Variants in ONECUT2 observed in about 807,000 individuals in gnomAD.
ONECUT2 encodes one cut domain family member 2.
A neutral mutation model predicts 27.9 loss-of-function variants in ONECUT2; 10 were observed. That is an observed-to-expected ratio of 0.36 (90% CI 0.22 to 0.61). The LOEUF is 0.61. Ranked by LOEUF, ONECUT2 falls within the 20% of genes least tolerant of loss-of-function variation. The pLI is 0.73. For synonymous variants in ONECUT2, 334 were observed against 315.1 expected, an observed-to-expected ratio of 1.06 and a Z score of -0.64; for missense variants, 686 against 721.0, an observed-to-expected ratio of 0.95 and a Z score of 0.56.
chr18:57,444,541 C>A, intron 1 of ONECUT2: 1 of 426,490 alleles, frequency 2.3e-6, no homozygotes, highest in South Asian at 1.7e-5. Context: ...CCTCCTGGAG[C>A]AAGCTTGGAG....
At chr18:57,462,839 C>A (rs2050300533) in intron 1 of ONECUT2, among the ~76,000 whole-genome samples, 1 of 143,018 alleles carries the variant, frequency 7.0e-6, no homozygotes, top group Non-Finnish European at 1.5e-5. Flanking sequence ...TCAAGCGATT[C>A]TCCTGCCTCA....
chr18:57,447,709 C>T (rs1296240822), intron 1 of ONECUT2, among the ~76,000 whole-genome samples: 1 of 152,094 alleles, frequency 6.6e-6, no homozygotes, highest in East Asian at 1.9e-4. Context: ...TATACACAAA[C>T]GGATGCTTTT....
intron 1 of ONECUT2, among the ~76,000 whole-genome samples, chr18:57,456,734 G>A (rs985411123): frequency 6.6e-6 from 1 of 152,110 alleles, no homozygotes; most frequent in African/African-American, 2.4e-5. Context: ...ATTTTGTTGT[G>A]TATATTTTAC....
rs772010629 is a variant in ONECUT2, at chr18:57,436,895, G to T, written c.1179G>T (p.Lys393Asn). The change falls in exon 1 of 2, where the codon AAG becomes AAT. Residue 393 changes from lysine to asparagine, a missense_variant. By Grantham distance (94) the Lys-to-Asn change is moderately conservative. Coordinates refer to ENST00000491143, the MANE Select transcript of ONECUT2 (RefSeq NM_004852.3). The surrounding 1 kb of genome is among the most constrained non-coding windows in gnomAD (Gnocchi z 5.9). ...GGGAGACCTTCCGCAGGATGTGGAAGTGGCTTCAGGAGCCCGAGTTCCAGC... is the reference window on the plus strand; with the variant it reads ...GGGAGACCTTCCGCAGGATGTGGAATTGGCTTCAGGAGCCCGAGTTCCAGC... ...SGRETFRRMW[K>N]WLQEPEFQRM... 6.2e-7 allele frequency: 1 copy of T among 1,612,996 alleles called. No homozygotes were observed. The highest frequency in any genetic ancestry group is 8.5e-7 in the Non-Finnish European group (1 of 1,179,766).
Position 57,435,682 on chromosome 18 carries a change from G to A in ONECUT2, c.-35G>A, listed in dbSNP as rs779026956. On this transcript the variant is annotated 5_prime_UTR_variant, in exon 1 of 2. Transcript: ENST00000491143. ...CCTTGCCCGCCCGCCGGCCGCCCCC[G>A]CCGCCCCCGCCGCCCCCGGGCCCTG... 2.3e-5 allele frequency: 7 copies of A among 305,808 alleles called. No individual in the cohort carries two copies. In the Admixed American group the frequency reaches 2.5e-4, roughly 11 times the overall value. The allele number at this position is 305,808 out of a possible 1,614,324, so 18.9% of individuals were successfully genotyped here.
At chr18:57,442,243 G>GCTT (rs1568118321) in intron 1 of ONECUT2, among the ~76,000 whole-genome samples, 1 of 127,504 alleles carries the variant, frequency 7.8e-6, no homozygotes, top group African/African-American at 3.6e-5. Context: ...AATTCTTCTG[G>GCTT]GTTTTTTTTT....
chr18:57,456,549 A>G (rs2050260542), intron 1 of ONECUT2, among the ~76,000 whole-genome samples: 1 of 152,260 alleles, frequency 6.6e-6, no homozygotes, highest in Non-Finnish European at 1.5e-5. Flanking sequence ...AGTCAAACTC[A>G]TAGAAACGGA....
Position 57,436,850 on chromosome 18 carries a change from G to A in ONECUT2, c.1134G>A (p.Trp378Ter). 1 of 1,613,968 alleles carries A rather than the reference G, an allele frequency of 6.2e-7. No homozygotes were observed. The highest frequency in any genetic ancestry group is 8.5e-7 in the Non-Finnish European group (1 of 1,180,050). Residue 378 changes from tryptophan to a stop codon, truncating the protein, a stop_gained, in exon 1 of 2, where the codon TGG becomes TGA. Transcript: ENST00000491143. LOFTEE classifies it high-confidence loss of function. This position sits in a 1 kb window ranked among gnomAD's most constrained non-coding sequence, Gnocchi z 5.9. The stretch of plus-strand genomic sequence containing the variant: ...ACCTGCTCCGGAATCCAAAACCGTG[G>A]AGTAAACTCAAATCTGGCAGGGAGA... ...LSDLLRNPKP[W>*]SKLKSGRETF...
chr18:57,438,419 G>A (rs982334799), intron 1 of ONECUT2, among the ~76,000 whole-genome samples: 1 of 152,324 alleles, frequency 6.6e-6, no homozygotes. Context: ...AGCCAGCCTC[G>A]CACAGCTCGC....
At chr18:57,450,398 T>A (rs2050223706) in intron 1 of ONECUT2, among the ~76,000 whole-genome samples, 2 of 152,198 alleles carry the variant, frequency 1.3e-5, no homozygotes, top group African/African-American at 4.8e-5. Flanking sequence ...GGTCTCAAAC[T>A]CCTGACCTTA....
intron 1 of ONECUT2, among the ~76,000 whole-genome samples, chr18:57,457,778 A>G (rs989695561): frequency 6.6e-6 from 1 of 152,248 alleles, no homozygotes; most frequent in African/African-American, 2.4e-5. Flanking sequence ...TACACCATGG[A>G]ATACTATGCA....
chr18:57,472,753 G>C (rs1000453475), intron 1 of ONECUT2, among the ~76,000 whole-genome samples: 2 of 151,950 alleles, frequency 1.3e-5, no homozygotes, highest in Non-Finnish European at 2.9e-5. Context: ...AATATAATCC[G>C]ACAAGCCAAT....
intron 1 of ONECUT2, among the ~76,000 whole-genome samples, chr18:57,451,959 T>A (rs955121655): frequency 1.8e-4 from 27 of 152,052 alleles, no homozygotes; most frequent in Admixed American, 2.6e-4. Flanking sequence ...GCGGTGTTGG[T>A]GTTTTTCTTT....
rs572608481 is a variant in ONECUT2 at position 57,471,534 on chromosome 18, A to T, written c.1229-4903A>T. On this transcript the variant is annotated intron_variant, in intron 1 of 1. Coordinates refer to ENST00000491143, the MANE Select transcript of ONECUT2 (RefSeq NM_004852.3). ...GGGAGAAGCAAGTTGGTGTCTGAAGATCTCAGAGAGGGCTTGTGCCCGAGG... is the reference window on the plus strand; with the variant it reads ...GGGAGAAGCAAGTTGGTGTCTGAAGTTCTCAGAGAGGGCTTGTGCCCGAGG... Among the ~76,000 whole-genome samples, 3 of 152,108 alleles carry T rather than the reference A, an allele frequency of 2.0e-5. No individual in the cohort carries two copies. In the South Asian group the frequency reaches 6.2e-4, roughly 32 times the overall value.
intron 1 of ONECUT2, among the ~76,000 whole-genome samples, chr18:57,466,273 C>T (rs2050320938): frequency 6.6e-6 from 1 of 152,164 alleles, no homozygotes; most frequent in Admixed American, 6.5e-5. Flanking sequence ...TTTTTTCAAT[C>T]CTGATGTCCC....
rs896567492 is a variant in ONECUT2, at chr18:57,488,035, T to C, written c.*11312T>C. On this transcript the variant is annotated 3_prime_UTR_variant, in exon 2 of 2. Coordinates refer to ENST00000491143, the MANE Select transcript of ONECUT2 (RefSeq NM_004852.3). ...AAAAGCAGCAGTCTGCTATGCAAAATATTGGAAATCACTGACAGTGTAGCA... is the reference window on the plus strand; with the variant it reads ...AAAAGCAGCAGTCTGCTATGCAAAACATTGGAAATCACTGACAGTGTAGCA... 1 of 152,358 alleles carries C rather than the reference T, an allele frequency of 6.6e-6. No individual in the cohort carries two copies. Among genetic ancestry groups the C allele is most frequent in the Non-Finnish European group, 1.5e-5 (1 of 68,040 alleles). The allele number at this position is 152,358 out of a possible 1,614,324, so 9.4% of individuals were successfully genotyped here. A position where few individuals can be genotyped will look rare whatever the true frequency, so the allele number is the denominator to read the frequency against.
chr18:57,443,966 C>T (rs2050188622), intron 1 of ONECUT2, among the ~76,000 whole-genome samples: 1 of 152,178 alleles, frequency 6.6e-6, no homozygotes, highest in African/African-American at 2.4e-5. Flanking sequence ...TGGACTTTGG[C>T]TCTTGTAATC....
chr18:57,487,022 T>C lies in ONECUT2; in HGVS notation c.*10299T>C, dbSNP rs903408846. Reference sequence around the variant, plus strand: ...TTCCCCTTTGGTTCAATGGACTTTATTTATGCATGGGCGCCTATTGTTTGT... The same window carrying C: ...TTCCCCTTTGGTTCAATGGACTTTACTTATGCATGGGCGCCTATTGTTTGT... On this transcript the variant is annotated 3_prime_UTR_variant, in exon 2 of 2. Transcript: ENST00000491143. The C allele has an allele frequency of 1.3e-5, 2 of 152,658 alleles. No individual in the cohort carries two copies. Among genetic ancestry groups the C allele is most frequent in the Non-Finnish European group, 2.9e-5 (2 of 68,042 alleles). 9.5% of individuals were successfully genotyped at this position (152,658 alleles called of 1,614,324 possible).
Position 57,476,809 on chromosome 18 carries a change from C to T in ONECUT2, c.*86C>T. 2.1e-6 allele frequency: 3 copies of T among 1,426,624 alleles called. No homozygotes were observed. The South Asian group carries it at 4.1e-5, about 20-fold the overall frequency. 88.4% of individuals were successfully genotyped at this position (1,426,624 alleles called of 1,614,324 possible). A position where few individuals can be genotyped will look rare whatever the true frequency, so the allele number is the denominator to read the frequency against. ...AAACAAAGGAAAAAGACACCGGATT[C>T]CTAGCTGGGGCCCTTCACTGGTGAT... On this transcript the variant is annotated 3_prime_UTR_variant, in exon 2 of 2. Coordinates refer to ENST00000491143, the MANE Select transcript of ONECUT2 (RefSeq NM_004852.3).
Sources: allele counts gnomAD v4.1 joint callset (sites outside exome capture counted in the v4.1 genomes callset), GRCh38; gene constraint gnomAD v4.1.1; non-coding constraint Gnocchi (gnomAD v3.1); transcripts MANE v1.5; gene names NCBI Gene and HGNC (gene_info 2026-07-23, HGNC 2026-07-21).